The following RNF130 variants were observed in gnomAD, a reference collection of about 807,000 sequenced individuals.
RNF130 encodes the protein ring finger protein 130.
RNF130 carries 21 observed loss-of-function variants against 44.6 expected under a neutral mutation model. That is an observed-to-expected ratio of 0.47 (90% CI 0.33 to 0.68). The LOEUF (loss-of-function observed/expected upper bound fraction) is 0.68, where lower values mean the gene tolerates loss of function less well. Ranked by LOEUF, RNF130 falls within the 30% of genes least tolerant of loss-of-function variation. RNF130 has a pLI of 0.02. For synonymous variants in RNF130, 214 were observed against 210.4 expected, an observed-to-expected ratio of 1.02 and a Z score of -0.15; for missense variants, 479 against 560.6, an observed-to-expected ratio of 0.85 and a Z score of 1.47.
In RNF130 at chr5:179,928,488, C is replaced by A. The variant is rs75149321; in HGVS notation, c.1151-8062G>T. Reference sequence around the variant, plus strand: ...TTGCAGGCTGTTTGTGTATCTGGTTCGCTCTGAAATGTCTCTTTGTTTCTT... The same window carrying A: ...TTGCAGGCTGTTTGTGTATCTGGTTAGCTCTGAAATGTCTCTTTGTTTCTT... On this transcript the variant is annotated intron_variant, in intron 7 of 7. Coordinates refer to the RNF130 transcript ENST00000522208. Among the ~76,000 whole-genome samples the A allele has an allele frequency of 1.1e-4, 17 of 152,196 alleles. No individual in the cohort carries two copies. The East Asian group carries it at 3.1e-3, about 28-fold the overall frequency.
chr5:180,044,472 T>G (rs1422009502), intron 1 of RNF130, among the ~76,000 whole-genome samples: 2 of 152,280 alleles, frequency 1.3e-5, no homozygotes, highest in African/African-American at 4.8e-5. Context: ...GTAACTTATG[T>G]GCTCAGCTAC....
Position 180,013,112 on chromosome 5 carries a change from T to G in RNF130, c.642A>C (p.Ile214=). 1 of 1,614,052 alleles carries G rather than the reference T, an allele frequency of 6.2e-7. No individual in the cohort carries two copies. Among genetic ancestry groups the G allele is most frequent in the Non-Finnish European group, 8.5e-7 (1 of 1,180,004 alleles). Residue 214 remains isoleucine, a synonymous_variant, in exon 3 of 9, where the codon ATA becomes ATC. Coordinates refer to ENST00000521389, the MANE Select transcript of RNF130 (RefSeq NM_018434.6). ...VLMIISSAWL[I]FYFIQKIRYT... The stretch of plus-strand genomic sequence containing the variant: ...ACCTGATCTTCTGAATGAAGTAGAA[T>G]ATGAGCCATGCTGAAGAAATAATCA...
intron 6 of RNF130, among the ~76,000 whole-genome samples, chr5:179,969,760 C>T (rs189279373): frequency 1.1e-3 from 167 of 152,198 alleles, no homozygotes; most frequent in Non-Finnish European, 2.0e-3. Context: ...GAGGCAGAGG[C>T]GGGTGGATCA....
At position 180,071,677 on chromosome 5, in the gene RNF130, G is replaced by A. The variant is rs753914004; in HGVS notation, c.26C>T (p.Pro9Leu). The change falls in exon 1 of 9, where the codon CCT becomes CTT. Residue 9 changes from proline (P) to leucine (L), a missense_variant. Coordinates refer to ENST00000521389, the MANE Select transcript of RNF130 (RefSeq NM_018434.6). MSCAGRAG[P>L]ARLAALALLT... ...CAGGGCGAGCGCGGCGAGCCGGGCA[G>A]GGCCCGCCCGCCCCGCGCAGCTCAT... The A allele has an allele frequency of 2.8e-5, 40 of 1,407,500 alleles. No individual in the cohort carries two copies. In the East Asian group the frequency reaches 7.6e-4, roughly 27 times the overall value. 87.2% of individuals were successfully genotyped at this position (1,407,500 alleles called of 1,614,324 possible). A position where few individuals can be genotyped will look rare whatever the true frequency, so the allele number is the denominator to read the frequency against.
chr5:179,964,854 C>T (rs1762406971), intron 7 of RNF130, among the ~76,000 whole-genome samples: 1 of 152,194 alleles, frequency 6.6e-6, no homozygotes, highest in Admixed American at 6.5e-5. Flanking sequence ...AAATTACAAA[C>T]TTCCTCATCA....
chr5:179,983,333 C>CTT (rs35802224), intron 3 of RNF130, among the ~76,000 whole-genome samples: 34 of 108,380 alleles, frequency 3.1e-4, no homozygotes, highest in African/African-American at 4.4e-4. Flanking sequence ...TACAGATGAA[C>CTT]TTTTTTTTTT....
intron 1 of RNF130, among the ~76,000 whole-genome samples, chr5:180,050,064 C>T (rs528469327): frequency 5.3e-5 from 8 of 152,346 alleles, no homozygotes; most frequent in Non-Finnish European, 8.8e-5. Context: ...AATGTATTCT[C>T]CCACAGTTCT....
At chr5:180,039,487 C>T (rs1009174886) in intron 2 of RNF130, among the ~76,000 whole-genome samples, 6 of 152,116 alleles carry the variant, frequency 3.9e-5, no homozygotes, top group Non-Finnish European at 8.8e-5. Context: ...ATCCTCCCAC[C>T]TTGGCCTCCT....
intron 7 of RNF130, among the ~76,000 whole-genome samples, chr5:179,946,611 T>A (rs1335065001): frequency 6.6e-6 from 1 of 150,998 alleles, no homozygotes. Flanking sequence ...TGGAGTGCAG[T>A]GGTGTGATCT....
chr5:179,970,301 T>C, intron 6 of RNF130, 109 bp downstream of exon 6: 4 of 760,112 alleles, frequency 5.3e-6, no homozygotes, highest in Non-Finnish European at 8.2e-6. Context: ...TAGCCAGTGT[T>C]TTCTTCTGTG....
At chr5:180,004,122 G>A (rs187223208) in intron 3 of RNF130, among the ~76,000 whole-genome samples, 7 of 152,288 alleles carry the variant, frequency 4.6e-5, no homozygotes, top group Admixed American at 1.3e-4. Flanking sequence ...ATTAAGGGGA[G>A]GAACGATCTT....
rs571074854 is a variant in RNF130, at chr5:180,068,722, T to C, written c.247+2734A>G. On this transcript the variant is annotated intron_variant, in intron 1 of 8. Coordinates refer to ENST00000521389, the MANE Select transcript of RNF130 (RefSeq NM_018434.6). ...CAATCCACAGCTTCAAAATGAGCCA[T>C]CAGGTTCAACTCTAGGAAAACTATA... is the stretch of plus-strand genomic sequence containing the variant. Among the ~76,000 whole-genome samples, 5 of 152,352 alleles carry C rather than the reference T, an allele frequency of 3.3e-5. No individual in the cohort carries two copies. The South Asian group carries it at 1.0e-3, about 32-fold the overall frequency.
chr5:179,949,029 C>T (rs1183019879), intron 7 of RNF130, among the ~76,000 whole-genome samples: 1 of 150,106 alleles, frequency 6.7e-6, no homozygotes, highest in Non-Finnish European at 1.5e-5. Flanking sequence ...GCAACGGTAC[C>T]ATCTCAGCTC....
At chr5:179,968,122 C>T (rs567054151) in intron 6 of RNF130, among the ~76,000 whole-genome samples, 15 of 151,616 alleles carry the variant, frequency 9.9e-5, no homozygotes, top group Admixed American at 3.9e-4. Flanking sequence ...GGTGAAACCC[C>T]GTCTCTACTA....
At position 179,984,984 on chromosome 5, in the gene RNF130, G is replaced by A. The variant is rs144667264; in HGVS notation, c.694-4784C>T. ...TGGTCCAAAGCATTTTGGATAAAGG[G>A]TACTCAACCTATAGTTTGTTTGATA... On this transcript the variant is annotated intron_variant, in intron 3 of 8. Coordinates refer to ENST00000521389, the MANE Select transcript of RNF130 (RefSeq NM_018434.6). Among the ~76,000 whole-genome samples the A allele has an allele frequency of 8.1e-3, 1,237 of 152,120 alleles. 13 individuals are homozygous for A. The highest frequency in any genetic ancestry group is 0.024 in the Middle Eastern group (7 of 294).
Position 179,969,190 on chromosome 5 carries a change from A to G in RNF130, c.945+1220T>C, listed in dbSNP as rs540988577. 1.2e-4 allele frequency among the ~76,000 whole-genome samples: 18 copies of G among 152,218 alleles called. No homozygotes were observed. The South Asian group carries it at 3.1e-3, about 26-fold the overall frequency. On this transcript the variant is annotated intron_variant, in intron 6 of 8. Coordinates refer to ENST00000521389, the MANE Select transcript of RNF130 (RefSeq NM_018434.6). ...ATAAAAAGCATAACCCTGGCTATACATGCTTCTCTTAAGCAAGGGCTAACG... is the reference window on the plus strand; with the variant it reads ...ATAAAAAGCATAACCCTGGCTATACGTGCTTCTCTTAAGCAAGGGCTAACG...
chr5:180,007,773 C>T (rs536503520), intron 3 of RNF130, among the ~76,000 whole-genome samples: 2 of 152,222 alleles, frequency 1.3e-5, no homozygotes, highest in African/African-American at 4.8e-5. Context: ...CCTCCTTCAT[C>T]AGCCCCGGCC....
intron 5 of RNF130, among the ~76,000 whole-genome samples, chr5:179,970,843 A>G (rs190849609): frequency 1.2e-4 from 18 of 152,364 alleles, no homozygotes; most frequent in Admixed American, 1.1e-3. Context: ...TGCTTTCTAC[A>G]ATAGCTAACA....
chr5:179,997,449 G>C (rs1002120301), intron 3 of RNF130, among the ~76,000 whole-genome samples: 5 of 152,056 alleles, frequency 3.3e-5, no homozygotes, highest in African/African-American at 1.2e-4. Flanking sequence ...TCAGCCTCCC[G>C]AGTAGCTGGG....
Sources: allele counts gnomAD v4.1 joint callset (sites outside exome capture counted in the v4.1 genomes callset), GRCh38; gene constraint gnomAD v4.1.1; transcripts MANE v1.5; gene names NCBI Gene and HGNC (gene_info 2026-07-23, HGNC 2026-07-21).